Variants in PAPPA2 observed in about 807,000 individuals in gnomAD.
PAPPA2 encodes pappalysin 2.
PAPPA2 carries 86 observed loss-of-function variants against 176.4 expected under a neutral mutation model. The ratio of observed to expected loss-of-function variants is 0.49; its 90% CI spans 0.41 to 0.58. The LOEUF is 0.58. Ranked by LOEUF, PAPPA2 falls within the 20% of genes least tolerant of loss-of-function variation. PAPPA2 has a pLI of 0.00. For missense variants in PAPPA2, 2,073 were observed against 2,256.9 expected (o/e 0.92, Z 1.65); for synonymous variants, 809 against 852.2 (o/e 0.95, Z 0.88).
intron 1 of PAPPA2, among the ~76,000 whole-genome samples, chr1:176,477,794 A>G (rs1246818337): frequency 6.6e-6 from 1 of 152,016 alleles, no homozygotes; most frequent in Non-Finnish European, 1.5e-5. Context: ...ATAAAATAAA[A>G]TAAAATATGC....
intron 21 of PAPPA2, among the ~76,000 whole-genome samples, chr1:176,831,662 GTGACTT>G (rs1667085211): frequency 1.3e-5 from 2 of 152,310 alleles, no homozygotes; most frequent in Admixed American, 1.3e-4. Context: ...GAGAGTTTGT[GTGACTT>G]TGAGTCTTTA....
intron 3 of PAPPA2, among the ~76,000 whole-genome samples, chr1:176,663,846 T>C (rs1317315797): frequency 6.6e-6 from 1 of 152,140 alleles, no homozygotes. Context: ...CCCACTACAC[T>C]TTTCTTTTGT....
chr1:176,543,158 G>A (rs1045627342), intron 1 of PAPPA2, among the ~76,000 whole-genome samples: 11 of 152,130 alleles, frequency 7.2e-5, no homozygotes, highest in African/African-American at 1.9e-4. Context: ...GTTCCCCGTC[G>A]TCTTGGGGGT....
intron 1 of PAPPA2, among the ~76,000 whole-genome samples, chr1:176,507,045 A>C (rs918378992): frequency 6.6e-6 from 1 of 152,136 alleles, no homozygotes; most frequent in Non-Finnish European, 1.5e-5. Context: ...TGCATCCAAC[A>C]AAGGTTTAAT....
intron 2 of PAPPA2, among the ~76,000 whole-genome samples, chr1:176,575,206 C>T (rs1259651821): frequency 1.3e-5 from 2 of 152,172 alleles, no homozygotes; most frequent in African/African-American, 4.8e-5. Context: ...GTGGGCTTCA[C>T]AGTGACCCAA....
intron 1 of PAPPA2, among the ~76,000 whole-genome samples, chr1:176,537,608 G>T (rs753684083): frequency 6.6e-6 from 1 of 152,148 alleles, no homozygotes; most frequent in African/African-American, 2.4e-5. Context: ...CAAGTCCTCT[G>T]TTCTAAAACT....
intron 1 of PAPPA2, among the ~76,000 whole-genome samples, chr1:176,538,959 G>C (rs1650225297): frequency 6.6e-6 from 1 of 152,198 alleles, no homozygotes; most frequent in South Asian, 2.1e-4. Flanking sequence ...TCAGATTCAT[G>C]ATGAGGCTTC....
chr1:176,689,131 T>C (rs1332658333), intron 4 of PAPPA2, among the ~76,000 whole-genome samples: 1 of 152,132 alleles, frequency 6.6e-6, no homozygotes, highest in Non-Finnish European at 1.5e-5. Flanking sequence ...CTCTGTCTTG[T>C]CTTTCAGAGA....
intron 1 of PAPPA2, among the ~76,000 whole-genome samples, chr1:176,491,846 G>A (rs776077742): frequency 2.6e-5 from 4 of 152,154 alleles, no homozygotes; most frequent in Non-Finnish European, 5.9e-5. Context: ...TGGTATTATT[G>A]AAGGAGGAAA....
chr1:176,737,855 G>A (rs371182995), intron 12 of PAPPA2, among the ~76,000 whole-genome samples: 4 of 152,198 alleles, frequency 2.6e-5, no homozygotes, highest in East Asian at 3.9e-4. Flanking sequence ...CTAGCTTAAG[G>A]TGGGTATCTA....
chr1:176,822,301 T>C (rs1666697433), intron 21 of PAPPA2, among the ~76,000 whole-genome samples: 1 of 152,098 alleles, frequency 6.6e-6, no homozygotes, highest in Non-Finnish European at 1.5e-5. Flanking sequence ...TTTTCCACCA[T>C]CTCATTTGGT....
rs183116238 is a variant in PAPPA2 at position 176,731,289 on chromosome 1, C to T, written c.3799-8337C>T. On this transcript the variant is annotated intron_variant, in intron 12 of 22. Coordinates refer to ENST00000367662, the MANE Select transcript of PAPPA2 (RefSeq NM_020318.3). ...TGACAAAACCACACACACACACACA[C>T]GTTGTACACTGTAAATATATATAAT... Among the ~76,000 whole-genome samples the T allele has an allele frequency of 5.9e-5, 9 of 151,972 alleles. 1 individual carries two copies. The highest frequency in any genetic ancestry group is 3.3e-4 in the Admixed American group (5 of 15,218).
chr1:176,771,478 G>A (rs1424804884), intron 17 of PAPPA2, among the ~76,000 whole-genome samples: 2 of 152,156 alleles, frequency 1.3e-5, no homozygotes, highest in Middle Eastern at 3.2e-3. Flanking sequence ...ATACTCATCA[G>A]TCCAGTTTAC....
intron 2 of PAPPA2, among the ~76,000 whole-genome samples, chr1:176,576,303 C>T (rs1017805660): frequency 6.6e-6 from 1 of 152,094 alleles, no homozygotes; most frequent in Non-Finnish European, 1.5e-5. Context: ...ACTTCATTTG[C>T]GTTTTCTTGA....
Position 176,594,944 on chromosome 1 carries a change from G to C in PAPPA2, c.1340G>C (p.Gly447Ala), listed in dbSNP as rs1487227127. ...CAGCACAGTTCTCAGCATTCAAGTG[G>C]GGAGGAGGAAGCGACTGACTTGGTC... ...HFQHSSQHSS[G>A]EEEATDLVLT... is the part of the protein sequence containing the mutation. The change falls in exon 3 of 23, where the codon GGG (glycine) becomes GCG (alanine). Residue 447 changes from glycine (G) to alanine (A), a missense_variant. Coordinates refer to ENST00000367662, the MANE Select transcript of PAPPA2 (RefSeq NM_020318.3). 6.2e-7 allele frequency: 1 copy of C among 1,614,224 alleles called. No individual in the cohort carries two copies. Among genetic ancestry groups the C allele is most frequent in the Admixed American group, 1.7e-5 (1 of 60,026 alleles).
intron 5 of PAPPA2, chr1:176,690,838 T>C (rs1196084764): frequency 2.0e-6 from 2 of 999,010 alleles, no homozygotes; most frequent in East Asian, 1.0e-4. Flanking sequence ...AGGTGGCCCA[T>C]TGTACTGTTT....
chr1:176,482,181 G>A (rs942274260), intron 1 of PAPPA2, among the ~76,000 whole-genome samples: 2 of 152,140 alleles, frequency 1.3e-5, no homozygotes, highest in African/African-American at 2.4e-5. Flanking sequence ...GCCATTCAAC[G>A]CAATTCAGAA....
chr1:176,602,521 A>T (rs1194275784), intron 3 of PAPPA2, among the ~76,000 whole-genome samples: 1 of 152,194 alleles, frequency 6.6e-6, no homozygotes, highest in Non-Finnish European at 1.5e-5. Context: ...TGTTGAGCCA[A>T]AGGCATGGTC....
At chr1:176,595,722 C>G in intron 3 of PAPPA2, 127 bp downstream of exon 3, 1 of 919,926 alleles carries the variant, frequency 1.1e-6, no homozygotes, top group Non-Finnish European at 1.6e-6. Context: ...CCCCATCAGA[C>G]AGTATTAAGC....
Sources: allele counts gnomAD v4.1 joint callset (sites outside exome capture counted in the v4.1 genomes callset), GRCh38; gene constraint gnomAD v4.1.1; transcripts MANE v1.5; gene names NCBI Gene and HGNC (gene_info 2026-07-23, HGNC 2026-07-21).